FANCA: variants seen among roughly 807,000 people sequenced by gnomAD.
The protein encoded by FANCA is FA complementation group A.
Under a neutral mutation model 194.3 loss-of-function variants are expected in FANCA, and 236 were observed. The observed-to-expected ratio is 1.21, with a 90% confidence interval of 1.09 to 1.35. The LOEUF is 1.35. Ranked by LOEUF, FANCA falls within the 40% of genes most tolerant of loss-of-function variation. FANCA has a pLI of 0.00. For missense variants in FANCA, 2,628 were observed against 1,813.9 expected, an observed-to-expected ratio of 1.45 and a Z score of -8.15; for synonymous variants, 1,014 against 715.8, an observed-to-expected ratio of 1.42 and a Z score of -6.65.
chr16:89,779,132 T>C, intron 18 of FANCA, 129 bp from the exon 19 acceptor site: 1 of 856,936 alleles, frequency 1.2e-6, no homozygotes. Flanking sequence ...TTATGAAGTC[T>C]TCTTGTGCAC....
intron 30 of FANCA, among the ~76,000 whole-genome samples, chr16:89,756,911 A>G (rs1302198299): frequency 6.6e-6 from 1 of 152,214 alleles, no homozygotes; most frequent in Non-Finnish European, 1.5e-5. Context: ...GGGAAGGACT[A>G]TTGAAGTCAA....
chr16:89,764,797 G>C (rs768991801), intron 28 of FANCA, 93 bp downstream of exon 28: 1 of 1,429,396 alleles, frequency 7.0e-7, no homozygotes, highest in Non-Finnish European at 9.9e-7. Context: ...GGGAAGGAAC[G>C]GTCACCTACG....
intron 6 of FANCA, among the ~76,000 whole-genome samples, chr16:89,807,988 G>T (rs959771690): frequency 6.6e-6 from 1 of 152,218 alleles, no homozygotes; most frequent in East Asian, 1.9e-4. Context: ...AACCCTGGAG[G>T]TGGAGGTTGT....
At chr16:89,787,296 G>A (rs2039930620) in intron 14 of FANCA, among the ~76,000 whole-genome samples, 1 of 152,158 alleles carries the variant, frequency 6.6e-6, no homozygotes, top group African/African-American at 2.4e-5. Flanking sequence ...GGCTGAGGCG[G>A]GCAGATCACG....
chr16:89,769,547 G>A (rs996385886), intron 26 of FANCA, among the ~76,000 whole-genome samples: 1 of 152,162 alleles, frequency 6.6e-6, no homozygotes, highest in Non-Finnish European at 1.5e-5. Context: ...AAACAAAGCA[G>A]CTCTCACCAG....
intron 5 of FANCA, among the ~76,000 whole-genome samples, chr16:89,809,240 G>C (rs1197305218): frequency 6.6e-6 from 1 of 152,014 alleles, no homozygotes; most frequent in African/African-American, 2.4e-5. Context: ...GTGCAGGAAG[G>C]CTTTCCTAAC....
intron 20 of FANCA, among the ~76,000 whole-genome samples, chr16:89,777,541 T>C (rs1035466876): frequency 6.6e-6 from 1 of 150,438 alleles, no homozygotes; most frequent in Non-Finnish European, 1.5e-5. Flanking sequence ...CTGGCCAACA[T>C]AGTGAAACCC....
In FANCA at chr16:89,795,959, C is replaced by A. The variant is rs72552377; in HGVS notation, c.953G>T (p.Arg318Met). 34 of 1,614,168 alleles carry A rather than the reference C, an allele frequency of 2.1e-5. No individual in the cohort carries two copies. In the East Asian group the frequency reaches 7.6e-4, roughly 36 times the overall value. The change falls in exon 11 of 43, where the codon AGG (arginine) becomes ATG (methionine). Residue 318 changes from arginine (R) to methionine (M), a missense_variant. Arg to Met is a moderately conservative substitution (Grantham distance 91). Transcript: ENST00000389301. ...GSVISTDPLK[R>M]FFSHTLTQIL... is the part of the protein sequence containing the mutation. Reference sequence around the variant, plus strand: ...CTGAGTCAGGGTATGACTGAAGAACCTCTTCAGAGGATCTGTGGAAATTAC... The same window carrying A: ...CTGAGTCAGGGTATGACTGAAGAACATCTTCAGAGGATCTGTGGAAATTAC...
intron 30 of FANCA, among the ~76,000 whole-genome samples, chr16:89,758,252 T>C (rs1223984121): frequency 6.6e-6 from 1 of 152,240 alleles, no homozygotes; most frequent in Non-Finnish European, 1.5e-5. Context: ...TGCTATGTGA[T>C]AGGCTCAAGT....
chr16:89,750,927 C>T (rs1275685901), intron 31 of FANCA, among the ~76,000 whole-genome samples: 6 of 152,132 alleles, frequency 3.9e-5, no homozygotes, highest in African/African-American at 1.2e-4. Context: ...AGTCTCAGTC[C>T]GGTTGCCCAG....
At position 89,816,585 on chromosome 16, in the gene FANCA, A is replaced by G. The variant is rs2143731639; in HGVS notation, c.31T>C (p.Ser11Pro). The change falls in exon 1 of 43, where the codon TCG (serine) becomes CCG (proline). Residue 11 changes from serine (S) to proline (P), a missense_variant. Ser to Pro is a moderately conservative substitution (Grantham distance 74). Coordinates refer to ENST00000389301, the MANE Select transcript of FANCA (RefSeq NM_000135.4). MSDSWVPNSA[S>P]GQDPGGRRRA... ...CGGCGGCCCCCTGGGTCCTGGCCCGAGGCGGAGTTCGGGACCCACGAGTCG... is the reference window on the plus strand; with the variant it reads ...CGGCGGCCCCCTGGGTCCTGGCCCGGGGCGGAGTTCGGGACCCACGAGTCG... 6.6e-7 allele frequency: 1 copy of G among 1,525,504 alleles called. No individual in the cohort carries two copies. The highest frequency in any genetic ancestry group is 8.7e-7 in the Non-Finnish European group (1 of 1,144,556). The allele number at this position is 1,525,504 out of a possible 1,614,324, so 94.5% of individuals were successfully genotyped here.
rs552009142 is a variant in FANCA at position 89,744,009 on chromosome 16, T to C, written c.3626+950A>G. Among the ~76,000 whole-genome samples the C allele has an allele frequency of 3.6e-4, 55 of 152,140 alleles. No homozygotes were observed. In the East Asian group the frequency reaches 0.01, roughly 28 times the overall value. ...ACCTCCTGGGTTCAAGCAATTCTCC[T>C]GCCTCAGCCTCCTGAGTAGCTGGGA... On this transcript the variant is annotated intron_variant, in intron 36 of 42. Coordinates refer to ENST00000389301, the MANE Select transcript of FANCA (RefSeq NM_000135.4).
chr16:89,770,215 C>G lies in FANCA; in HGVS notation c.2267G>C (p.Arg756Pro), dbSNP rs137913973. 4.8e-5 allele frequency: 77 copies of G among 1,593,434 alleles called. No individual in the cohort carries two copies. The African/African-American group carries it at 9.2e-4, about 19-fold the overall frequency. The change falls in exon 25 of 43, where the codon CGT becomes CCT. Residue 756 changes from arginine (R) to proline (P), a missense_variant. Coordinates refer to ENST00000389301, the MANE Select transcript of FANCA (RefSeq NM_000135.4). Reference protein sequence around the residue: ...AALFVRTMCGRVLPAVLTRLC... With the variant: ...AALFVRTMCGPVLPAVLTRLC... ...CCGGGTGAGCACTGCAGGGAGCACA[C>G]GTCCACACATGGTCCTCACGAAGAG...
At chr16:89,816,226 C>T in intron 1 of FANCA, 2 of 508,748 alleles carry the variant, frequency 3.9e-6, no homozygotes, top group Non-Finnish European at 3.6e-6. Flanking sequence ...TGGCGAGGGG[C>T]GGCCTCTGCG....
In FANCA at chr16:89,738,717, G is replaced by C. The variant is rs368506826; in HGVS notation, c.4261-9C>G. 253 of 1,613,784 alleles carry C rather than the reference G, an allele frequency of 1.6e-4. 1 individual carries two copies. In the Middle Eastern group the frequency reaches 1.8e-3, roughly 12 times the overall value. ...CCACGATCAGCCAGCAGCTGTGAGA[G>C]AGGAGCAGGTCCTCAGCCCATGCCG... On this transcript the variant is annotated splice_polypyrimidine_tract_variant and intron_variant, in intron 42 of 42. Transcript: ENST00000389301.
intron 14 of FANCA, among the ~76,000 whole-genome samples, chr16:89,785,605 G>C (rs2039869085): frequency 6.6e-6 from 1 of 152,170 alleles, no homozygotes; most frequent in African/African-American, 2.4e-5. Context: ...CAGTGAGTCA[G>C]GGAAGGAAGG....
chr16:89,791,665 C>T (rs1208108640), intron 13 of FANCA, 129 bp from the exon 14 acceptor site: 45 of 1,326,528 alleles, frequency 3.4e-5, no homozygotes, highest in Non-Finnish European at 3.9e-5. Flanking sequence ...TTTTAAAAGA[C>T]TACACAGCAA....
chr16:89,754,270 C>T (rs1330977300), intron 30 of FANCA, among the ~76,000 whole-genome samples: 10 of 151,840 alleles, frequency 6.6e-5, no homozygotes, highest in African/African-American at 1.9e-4. Context: ...CAACACTGCC[C>T]GGGGAGTTCA....
chr16:89,761,835 A>C, intron 29 of FANCA, 114 bp downstream of exon 29: 1 of 845,536 alleles, frequency 1.2e-6, no homozygotes, highest in South Asian at 1.3e-5. Context: ...CATGTTGCCC[A>C]GGCTGACCTC....
Sources: gnomAD v4.1 joint callset for allele counts (sites outside exome capture counted in the v4.1 genomes callset) on GRCh38, gnomAD v4.1.1 for gene constraint, MANE v1.5 for transcripts, NCBI Gene and HGNC (gene_info 2026-07-23, HGNC 2026-07-21) for gene names.